TREML4: variants seen among roughly 807,000 people sequenced by gnomAD.
TREML4 encodes the protein trem-like transcript 4 protein.
TREML4 carries 25 observed loss-of-function variants against 25.4 expected under a neutral mutation model. The ratio of observed to expected loss-of-function variants is 0.98; its 90% CI spans 0.72 to 1.37. TREML4 has a LOEUF of 1.37. TREML4 is among the 40% of genes most tolerant of loss of function. TREML4 has a pLI of 0.00. For synonymous variants in TREML4, 92 were observed against 87.9 expected, an observed-to-expected ratio of 1.05 and a Z score of -0.26; for missense variants, 268 against 236.5, an observed-to-expected ratio of 1.13 and a Z score of -0.87.
chr6:41,230,305 G>C (rs113691204), intron 4 of TREML4, among the ~76,000 whole-genome samples, 183 bp downstream of exon 4: 6,484 of 152,226 alleles, frequency 0.043, 272 homozygotes, highest in African/African-American at 0.11. Flanking sequence ...AGGGGAAGAG[G>C]ATGCAGGTTG....
At chr6:41,230,807 T>C (rs1203020606) in intron 4 of TREML4, among the ~76,000 whole-genome samples, 1 of 152,192 alleles carries the variant, frequency 6.6e-6, no homozygotes, top group African/African-American at 2.4e-5. Flanking sequence ...TGGGGTCTTG[T>C]GCTCTAGGGC....
At chr6:41,235,397 A>T (rs6906220) in intron 4 of TREML4, among the ~76,000 whole-genome samples, 51,685 of 152,082 alleles carry the variant, frequency 0.34, 8,791 homozygotes, top group Middle Eastern at 0.43. Flanking sequence ...AACTGTCATG[A>T]CTTGCAATTG....
At chr6:41,234,860 C>T (rs1766867959) in intron 4 of TREML4, among the ~76,000 whole-genome samples, 1 of 149,736 alleles carries the variant, frequency 6.7e-6, no homozygotes, top group African/African-American at 2.5e-5. Context: ...CAAAAACAGC[C>T]CAGGTCATTT....
At chr6:41,233,383 A>G (rs534195335) in intron 4 of TREML4, among the ~76,000 whole-genome samples, 1 of 152,320 alleles carries the variant, frequency 6.6e-6, no homozygotes, top group African/African-American at 2.4e-5. Context: ...TTAAAAGGTT[A>G]AAAGTTAGAA....
rs1369486523 is a variant in TREML4, at chr6:41,235,374, C to T, written c.507-1112C>T. On this transcript the variant is annotated intron_variant, in intron 4 of 5. Coordinates refer to ENST00000341495, the MANE Select transcript of TREML4 (RefSeq NM_198153.3). ...ACAGGTTACATGAAAGAAGATTAGACAAGAAGAGGAAAAACTGTCATGACT... is the reference window on the plus strand; with the variant it reads ...ACAGGTTACATGAAAGAAGATTAGATAAGAAGAGGAAAAACTGTCATGACT... Among the ~76,000 whole-genome samples the T allele has an allele frequency of 3.3e-5, 5 of 152,180 alleles. No individual in the cohort carries two copies. In the South Asian group the frequency reaches 6.2e-4, roughly 19 times the overall value.
intron 4 of TREML4, chr6:41,232,402 A>G (rs759622707): frequency 1.2e-5 from 5 of 417,080 alleles, no homozygotes; most frequent in South Asian, 8.5e-5. Context: ...AAGAGAAAAT[A>G]CATTCATGGT....
chr6:41,233,134 T>A lies in TREML4; in HGVS notation c.506+3012T>A, dbSNP rs201891839. Reference sequence around the variant, plus strand: ...GAGTCTTCAGGTTAAGTCAAGAGAATGTATACCCTTTCATCCAGCAAAATA... The same window carrying A: ...GAGTCTTCAGGTTAAGTCAAGAGAAAGTATACCCTTTCATCCAGCAAAATA... On this transcript the variant is annotated intron_variant, in intron 4 of 5. Coordinates refer to ENST00000341495, the MANE Select transcript of TREML4 (RefSeq NM_198153.3). Among the ~76,000 whole-genome samples, 30 of 152,312 alleles carry A rather than the reference T, an allele frequency of 2.0e-4. No individual in the cohort carries two copies. The East Asian group carries it at 5.8e-3, about 29-fold the overall frequency.
chr6:41,230,212 C>G lies in TREML4; in HGVS notation c.506+90C>G. ...ACCTTGGAATCAAGTCCAGGGCACC[C>G]AGGGATCCTTCTCTGGTGGGTTGGG... On this transcript the variant is annotated intron_variant, in intron 4 of 5. Transcript: ENST00000341495. 9 of 1,102,994 alleles carry G rather than the reference C, an allele frequency of 8.2e-6. No homozygotes were observed. In the South Asian group the frequency reaches 8.8e-5, roughly 11 times the overall value. 68.3% of individuals were successfully genotyped at this position (1,102,994 alleles called of 1,614,324 possible). A position where few individuals can be genotyped will look rare whatever the true frequency, so the allele number is the denominator to read the frequency against.
At chr6:41,230,218 T>A in intron 4 of TREML4, 96 bp downstream of exon 4, 1 of 1,040,422 alleles carries the variant, frequency 9.6e-7, no homozygotes. Flanking sequence ...CACCCAGGGA[T>A]CCTTCTCTGG....
intron 1 of TREML4, 82 bp from the exon 2 acceptor site, chr6:41,228,632 C>A (rs903701845): frequency 1.3e-6 from 2 of 1,516,844 alleles, no homozygotes; most frequent in Non-Finnish European, 1.8e-6. Flanking sequence ...GTTCCCCCTC[C>A]CCTTCCCCAG....
chr6:41,236,103 T>A (rs969137762), intron 4 of TREML4, among the ~76,000 whole-genome samples: 3 of 152,040 alleles, frequency 2.0e-5, no homozygotes, highest in Non-Finnish European at 4.4e-5. Flanking sequence ...TAGGCCTCAT[T>A]TCCTCAGATG....
chr6:41,236,451 C>G, intron 4 of TREML4, 35 bp from the exon 5 acceptor site: 1 of 1,597,418 alleles, frequency 6.3e-7, no homozygotes, highest in Non-Finnish European at 8.6e-7. Flanking sequence ...ACATCCTGGC[C>G]CAAGTCCATC....
intron 1 of TREML4, 63 bp from the exon 2 acceptor site, chr6:41,228,650 TG>T: frequency 6.5e-7 from 1 of 1,534,878 alleles, no homozygotes; most frequent in East Asian, 2.3e-5. Flanking sequence ...CAGCCTGTGA[TG>T]GGGGAGGTTG....
intron 4 of TREML4, among the ~76,000 whole-genome samples, chr6:41,232,698 C>T (rs1202912766): frequency 6.6e-6 from 1 of 152,244 alleles, no homozygotes; most frequent in East Asian, 1.9e-4. Flanking sequence ...GAGACAGTGG[C>T]AGATGATCAG....
intron 4 of TREML4, among the ~76,000 whole-genome samples, chr6:41,230,681 G>A (rs150275536): frequency 7.9e-5 from 12 of 152,284 alleles, no homozygotes; most frequent in African/African-American, 1.2e-4. Context: ...CATTTGCTCC[G>A]TAGCCCTCTT....
intron 2 of TREML4, 26 bp downstream of exon 2, chr6:41,229,070 C>T (rs755497696): frequency 1.9e-6 from 3 of 1,580,160 alleles, no homozygotes; most frequent in Non-Finnish European, 1.7e-6. Context: ...GAGGAAATAC[C>T]TCTGTGCCAC....
Position 41,238,042 on chromosome 6 carries a change from T to C in TREML4, c.*1023T>C, listed in dbSNP as rs555765399. On this transcript the variant is annotated 3_prime_UTR_variant, in exon 6 of 6. Transcript: ENST00000341495. ...TCCACCATGAGCAACAGATTTGAGG[T>C]ACCAGTGCATAGCAGCTGAATGCCA... is the stretch of plus-strand genomic sequence containing the variant. The C allele has an allele frequency of 2.8e-4, 42 of 152,330 alleles. No homozygotes were observed. Among genetic ancestry groups the C allele is most frequent in the African/African-American group, 9.6e-4 (40 of 41,564 alleles). The allele number at this position is 152,330 out of a possible 1,614,324, so 9.4% of individuals were successfully genotyped here. A position where few individuals can be genotyped will look rare whatever the true frequency, so the allele number is the denominator to read the frequency against.
rs1192418304 is a variant in TREML4 at position 41,237,577 on chromosome 6, G to T, written c.*558G>T. 1 of 152,194 alleles carries T rather than the reference G, an allele frequency of 6.6e-6. No individual in the cohort carries two copies. The highest frequency in any genetic ancestry group is 1.9e-4 in the East Asian group (1 of 5,200). The allele number at this position is 152,194 out of a possible 1,614,324, so 9.4% of individuals were successfully genotyped here. A position where few individuals can be genotyped will look rare whatever the true frequency, so the allele number is the denominator to read the frequency against. On this transcript the variant is annotated 3_prime_UTR_variant, in exon 6 of 6. Transcript: ENST00000341495. ...TCAGGGGCAGCTGAGCAAGACAGCA[G>T]TTGTATCCCCTCACCTTCCTCCCGT... is the stretch of plus-strand genomic sequence containing the variant.
intron 3 of TREML4, 103 bp from the exon 4 acceptor site, chr6:41,229,959 C>T (rs955458056): frequency 3.1e-6 from 3 of 967,048 alleles, no homozygotes; most frequent in Non-Finnish European, 5.0e-6. Context: ...CCCTTAGGGG[C>T]TGCCTCTGGC....
Sources: gnomAD v4.1 joint callset for allele counts (sites outside exome capture counted in the v4.1 genomes callset) on GRCh38, gnomAD v4.1.1 for gene constraint, MANE v1.5 for transcripts, NCBI Gene and HGNC (gene_info 2026-07-23, HGNC 2026-07-21) for gene names.